Variants in DENND2C observed in about 807,000 individuals in gnomAD.
DENND2C encodes DENN domain containing 2C.
A neutral mutation model predicts 112.4 loss-of-function variants in DENND2C; 72 were observed. The ratio of observed to expected loss-of-function variants is 0.64; its 90% CI spans 0.53 to 0.78. The LOEUF (loss-of-function observed/expected upper bound fraction) is 0.78. Among genes scored for constraint, DENND2C ranks in the 30% least tolerant of loss-of-function variants. DENND2C has a pLI of 0.00. For missense variants in DENND2C, 992 were observed against 1,113.8 expected (o/e 0.89, Z 1.56); for synonymous variants, 329 against 381.6 (o/e 0.86, Z 1.61).
In DENND2C at chr1:114,647,687, C is replaced by G. The variant is rs376486587; in HGVS notation, c.-316-2128G>C. Among the ~76,000 whole-genome samples, 193 of 152,216 alleles carry G rather than the reference C, an allele frequency of 1.3e-3. 1 individual carries two copies. Among genetic ancestry groups the G allele is most frequent in the African/African-American group, 4.3e-3 (178 of 41,526 alleles). ...TCGCCTGCCTCAGCCTCCCAAAGTG[C>G]TGAGATTACAGATGTGAGCCACTAC... is the stretch of plus-strand genomic sequence containing the variant. On this transcript the variant is annotated intron_variant, in intron 2 of 20. Coordinates refer to ENST00000393274, the MANE Select transcript of DENND2C (RefSeq NM_001256404.2).
In DENND2C at chr1:114,583,051, T is replaced by A. The variant is rs1654941731; in HGVS notation, c.*2549A>T. On this transcript the variant is annotated 3_prime_UTR_variant, in exon 21 of 21. Transcript: ENST00000393274. ...TCTCCTCCTAGAGGGATAGCCAGGA[T>A]CCATCACAGTAAACCCTTTTACCCC... 6.6e-6 allele frequency: 1 copy of A among 152,208 alleles called. No homozygotes were observed. Among genetic ancestry groups the A allele is most frequent in the South Asian group, 2.1e-4 (1 of 4,834 alleles). 9.4% of individuals were successfully genotyped at this position (152,208 alleles called of 1,614,324 possible). A position where few individuals can be genotyped will look rare whatever the true frequency, so the allele number is the denominator to read the frequency against.
intron 7 of DENND2C, among the ~76,000 whole-genome samples, chr1:114,620,387 C>T (rs1487713881): frequency 6.6e-6 from 1 of 152,116 alleles, no homozygotes; most frequent in Non-Finnish European, 1.5e-5. Context: ...AGATACAGAA[C>T]AAGTTTTGAG....
chr1:114,600,968 C>A lies in DENND2C; in HGVS notation c.1816-8G>T, dbSNP rs759896387. 6.2e-7 allele frequency: 1 copy of A among 1,608,472 alleles called. No individual in the cohort carries two copies. The highest frequency in any genetic ancestry group is 1.7e-5 in the Admixed American group (1 of 59,060). On this transcript the variant is annotated splice_polypyrimidine_tract_variant and splice_region_variant and intron_variant, in intron 13 of 20. Coordinates refer to ENST00000393274, the MANE Select transcript of DENND2C (RefSeq NM_001256404.2). ...CTCTACTTCATCCAGAATCTATATA[C>A]GCAAAGTGTTATTTTATTATGGACT...
intron 4 of DENND2C, among the ~76,000 whole-genome samples, 155 bp downstream of exon 4, chr1:114,625,021 ACTT>A (rs767371393): frequency 1.3e-5 from 2 of 152,022 alleles, no homozygotes; most frequent in Non-Finnish European, 2.9e-5. Flanking sequence ...TACTTTTTTC[ACTT>A]CTTATTTTCC....
At chr1:114,621,840 C>T in intron 7 of DENND2C, 55 bp downstream of exon 7, 1 of 1,543,060 alleles carries the variant, frequency 6.5e-7, no homozygotes, top group Admixed American at 2.0e-5. Flanking sequence ...TACTTATTCT[C>T]ATTCATGGAA....
chr1:114,596,526 G>C (rs1052375637), intron 16 of DENND2C, among the ~76,000 whole-genome samples: 1 of 152,172 alleles, frequency 6.6e-6, no homozygotes, highest in Non-Finnish European at 1.5e-5. Context: ...TAATGGTATT[G>C]AGTTTATGTT....
intron 1 of DENND2C, among the ~76,000 whole-genome samples, chr1:114,668,580 A>T (rs1416421231): frequency 1.3e-5 from 2 of 151,864 alleles, no homozygotes; most frequent in Non-Finnish European, 2.9e-5. Flanking sequence ...ACCAAGACAC[A>T]TAATTACTAC....
At chr1:114,610,483 C>A (rs558792401) in intron 9 of DENND2C, among the ~76,000 whole-genome samples, 2 of 152,072 alleles carry the variant, frequency 1.3e-5, no homozygotes, top group Admixed American at 1.3e-4. Flanking sequence ...GGCAGATCAA[C>A]GAGGTCAGGA....
At chr1:114,587,646 A>G in intron 19 of DENND2C, 70 bp downstream of exon 19, 1 of 1,452,906 alleles carries the variant, frequency 6.9e-7, no homozygotes. Context: ...AATACTTTTT[A>G]TTCATAATAT....
At chr1:114,646,788 T>C (rs1657000272) in intron 2 of DENND2C, among the ~76,000 whole-genome samples, 1 of 152,228 alleles carries the variant, frequency 6.6e-6, no homozygotes, top group Non-Finnish European at 1.5e-5. Context: ...GTACCTCTGG[T>C]AGATCATGAG....
At chr1:114,624,949 TA>T in intron 4 of DENND2C, among the ~76,000 whole-genome samples, 1 of 152,190 alleles carries the variant, frequency 6.6e-6, no homozygotes, top group East Asian at 1.9e-4. Context: ...GATATATTAA[TA>T]AAATGGAAGG....
intron 3 of DENND2C, among the ~76,000 whole-genome samples, chr1:114,633,935 G>A (rs1363353875): frequency 6.6e-6 from 1 of 152,144 alleles, no homozygotes; most frequent in Non-Finnish European, 1.5e-5. Context: ...CTGTTAAAGA[G>A]ACATAAACAG....
intron 1 of DENND2C, among the ~76,000 whole-genome samples, chr1:114,669,089 A>G (rs1295974473): frequency 1.3e-5 from 2 of 152,256 alleles, no homozygotes; most frequent in African/African-American, 4.8e-5. Context: ...TTTACACAGT[A>G]AGCAAGGATC....
intron 16 of DENND2C, 141 bp from the exon 17 acceptor site, chr1:114,596,014 G>A: frequency 1.4e-6 from 1 of 706,720 alleles, no homozygotes; most frequent in Admixed American, 2.4e-5. Flanking sequence ...AAAATAAATT[G>A]CAAGTAAAAG....
intron 10 of DENND2C, among the ~76,000 whole-genome samples, chr1:114,606,842 AC>A (rs1266020624): frequency 5.3e-5 from 8 of 152,030 alleles, no homozygotes; most frequent in Admixed American, 3.9e-4. Context: ...CAGAATTGAG[AC>A]TCTGTGTTTC....
intron 18 of DENND2C, among the ~76,000 whole-genome samples, chr1:114,592,163 A>C (rs1264534896): frequency 6.6e-6 from 1 of 151,880 alleles, no homozygotes; most frequent in Non-Finnish European, 1.5e-5. Flanking sequence ...GGGATTATAG[A>C]TGTGAGCCAC....
In DENND2C at chr1:114,623,059, C is replaced by T; in HGVS notation, c.984G>A (p.Gln328=). 4 of 1,612,312 alleles carry T rather than the reference C, an allele frequency of 2.5e-6. No homozygotes were observed. The highest frequency in any genetic ancestry group is 1.1e-5 in the South Asian group (1 of 90,746). ...KENPYEDIPV[Q]PLPMWRSPSA... is the part of the protein sequence containing the mutation. ...AAGGGGATCTCCACATAGGTAAAGG[C>T]TGCACTGGAATATCTTCATATGGAT... Residue 328 remains glutamine (Q), a synonymous_variant, in exon 6 of 21, where the codon CAG becomes CAA. Coordinates refer to ENST00000393274, the MANE Select transcript of DENND2C (RefSeq NM_001256404.2).
In DENND2C at chr1:114,588,256, A is replaced by G. The variant is rs1225943781; in HGVS notation, c.2432-304T>C. Among the ~76,000 whole-genome samples, 4 of 152,184 alleles carry G rather than the reference A, an allele frequency of 2.6e-5. No homozygotes were observed. In the South Asian group the frequency reaches 6.2e-4, roughly 24 times the overall value. On this transcript the variant is annotated intron_variant, in intron 18 of 20. Coordinates refer to ENST00000393274, the MANE Select transcript of DENND2C (RefSeq NM_001256404.2). Reference sequence around the variant, plus strand: ...CACTGGTGAGAGCCAGCCAAATTTAATCTGCTTTTCTATTTTTATCTCCTT... The same window carrying G: ...CACTGGTGAGAGCCAGCCAAATTTAGTCTGCTTTTCTATTTTTATCTCCTT...
chr1:114,666,533 G>A (rs917701745), intron 1 of DENND2C, among the ~76,000 whole-genome samples: 4 of 152,102 alleles, frequency 2.6e-5, no homozygotes, highest in African/African-American at 9.6e-5. Context: ...TCAGCTCACC[G>A]CAACCTCTGA....
Sources: allele counts gnomAD v4.1 joint callset (sites outside exome capture counted in the v4.1 genomes callset), GRCh38; gene constraint gnomAD v4.1.1; transcripts MANE v1.5; gene names NCBI Gene and HGNC (gene_info 2026-07-23, HGNC 2026-07-21).